NAV1: variants seen among roughly 807,000 people sequenced by gnomAD.
NAV1 encodes the protein pore membrane and/or filament interacting like protein 3.
NAV1 carries 18 observed loss-of-function variants against 175.2 expected under a neutral mutation model. The ratio of observed to expected loss-of-function variants is 0.10; its 90% CI spans 0.07 to 0.15. The LOEUF is 0.15. Ranked by LOEUF, NAV1 falls within the 10% of genes least tolerant of loss-of-function variation. The pLI is 1.00. For synonymous variants in NAV1, 897 were observed against 978.7 expected, an observed-to-expected ratio of 0.92 and a Z score of 1.56; for missense variants, 1,731 against 2,436.6, an observed-to-expected ratio of 0.71 and a Z score of 6.10.
At chr1:201,780,306 T>C in intron 3 of NAV1, 115 bp from the exon 8 acceptor site, 3 of 1,229,228 alleles carry the variant, frequency 2.4e-6, no homozygotes, top group Non-Finnish European at 3.4e-6. Flanking sequence ...CCAGGTTTTC[T>C]CCTTTTGGCT....
intron 1 of NAV1, among the ~76,000 whole-genome samples, chr1:201,562,152 A>T (rs1427902363): frequency 6.8e-6 from 1 of 147,074 alleles, no homozygotes; most frequent in African/African-American, 2.5e-5. Context: ...CTACAGGCAC[A>T]CACCACCTTG....
At position 201,699,096 on chromosome 1, in the gene NAV1, C is replaced by T. The variant is rs544344664; in HGVS notation, c.758-13721C>T. Among the ~76,000 whole-genome samples, 57 of 152,334 alleles carry T rather than the reference C, an allele frequency of 3.7e-4. 1 individual carries two copies. Among genetic ancestry groups the T allele is most frequent in the Admixed American group, 3.2e-3 (49 of 15,300 alleles). On this transcript the variant is annotated intron_variant, in intron 1 of 29. Transcript: ENST00000367296. ...TGTTGGAAGTTCTGGCCAGGGCAAT[C>T]AGGCAAGAGAAATAAATAAAGGGTA...
At chr1:201,562,902 C>T (rs981644136) in intron 1 of NAV1, among the ~76,000 whole-genome samples, 1 of 152,132 alleles carries the variant, frequency 6.6e-6, no homozygotes, top group African/African-American at 2.4e-5. Flanking sequence ...TGTTGGATCA[C>T]GGGATCTGTC....
chr1:201,754,479 T>G (rs1674329989), intron 3 of NAV1, among the ~76,000 whole-genome samples: 1 of 152,148 alleles, frequency 6.6e-6, no homozygotes, highest in African/African-American at 2.4e-5. Flanking sequence ...GAATTAGCAA[T>G]GTAGAGATCT....
At chr1:201,558,454 TTTTG>T (rs1251397546) in intron 1 of NAV1, among the ~76,000 whole-genome samples, 2 of 152,102 alleles carry the variant, frequency 1.3e-5, no homozygotes, top group African/African-American at 2.4e-5. Flanking sequence ...GTGTGGTGTT[TTTTG>T]TTTGTTTGTT....
chr1:201,764,275 A>G (rs1031572947), intron 3 of NAV1, among the ~76,000 whole-genome samples: 1 of 152,240 alleles, frequency 6.6e-6, no homozygotes, highest in African/African-American at 2.4e-5. Flanking sequence ...AAAATACCAC[A>G]GGGCAGGTGG....
chr1:201,611,816 C>T (rs1395295574), intron 2 of NAV1, among the ~76,000 whole-genome samples: 1 of 152,164 alleles, frequency 6.6e-6, no homozygotes, highest in African/African-American at 2.4e-5. Flanking sequence ...CCTCCTCACC[C>T]TGGGCTGGGT....
chr1:201,762,215 GTT>G (rs1188788798), intron 3 of NAV1, among the ~76,000 whole-genome samples: 1 of 152,202 alleles, frequency 6.6e-6, no homozygotes, highest in East Asian at 1.9e-4. Flanking sequence ...GAAAAATCTT[GTT>G]TTGACTTGAA....
chr1:201,776,695 A>G (rs1450210833), intron 3 of NAV1, among the ~76,000 whole-genome samples: 2 of 152,098 alleles, frequency 1.3e-5, no homozygotes, highest in African/African-American at 4.8e-5. Flanking sequence ...AATAAGAGAG[A>G]AATGTAGAAA....
chr1:201,739,024 T>C (rs1321107127), intron 3 of NAV1, among the ~76,000 whole-genome samples: 1 of 152,122 alleles, frequency 6.6e-6, no homozygotes, highest in Non-Finnish European at 1.5e-5. Flanking sequence ...CTCCTTTCTC[T>C]GGAACCAGGA....
chr1:201,816,661 T>C (rs1425550495), intron 28 of NAV1, among the ~76,000 whole-genome samples: 1 of 148,382 alleles, frequency 6.7e-6, no homozygotes, highest in Admixed American at 6.9e-5. Context: ...GGATTTACAT[T>C]TGAGGAAGTG....
chr1:201,824,570 T>C (rs1679566381), exon 30 of NAV1: 1 of 152,068 alleles, frequency 6.6e-6, no homozygotes, highest in South Asian at 2.1e-4. Flanking sequence ...GATGTAGCCT[T>C]GAAGGGAGGA....
chr1:201,800,445 A>T (rs1677778538), intron 15 of NAV1, among the ~76,000 whole-genome samples: 1 of 152,258 alleles, frequency 6.6e-6, no homozygotes, highest in African/African-American at 2.4e-5. Context: ...GTTTGTAAAT[A>T]AAGTTTTATT....
At chr1:201,612,563 G>T (rs1015198036) in intron 2 of NAV1, among the ~76,000 whole-genome samples, 6 of 152,202 alleles carry the variant, frequency 3.9e-5, no homozygotes, top group Non-Finnish European at 5.9e-5. Flanking sequence ...GTGAAGGCCT[G>T]TTCCCCATAG....
intron 1 of NAV1, among the ~76,000 whole-genome samples, chr1:201,657,085 C>T (rs570874026): frequency 6.6e-6 from 1 of 152,184 alleles, no homozygotes. Context: ...GCTCCTGGGA[C>T]CTGATTATCC....
intron 1 of NAV1, among the ~76,000 whole-genome samples, chr1:201,563,997 T>C (rs1297358804): frequency 6.6e-6 from 1 of 151,968 alleles, no homozygotes; most frequent in Non-Finnish European, 1.5e-5. Flanking sequence ...CTCAGGAGGC[T>C]GGAGTGGGAA....
intron 1 of NAV1, among the ~76,000 whole-genome samples, chr1:201,558,743 C>T (rs551844339): frequency 2.0e-4 from 31 of 152,206 alleles, no homozygotes; most frequent in Admixed American, 7.8e-4. Context: ...AGCCACCGCG[C>T]CCGGCACAGG....
At chr1:201,715,423 G>A (rs1672098458) in intron 2 of NAV1, among the ~76,000 whole-genome samples, 1 of 152,180 alleles carries the variant, frequency 6.6e-6, no homozygotes, top group Non-Finnish European at 1.5e-5. Context: ...GCCACCCAAA[G>A]TGCTGGGATT....
chr1:201,814,568 T>C (rs1462247583), intron 28 of NAV1, among the ~76,000 whole-genome samples: 5 of 152,168 alleles, frequency 3.3e-5, no homozygotes, highest in African/African-American at 4.8e-5. Context: ...TAACTTGTTA[T>C]TGAGATAGAT....
Sources: allele counts gnomAD v4.1 joint callset (sites outside exome capture counted in the v4.1 genomes callset), GRCh38; gene constraint gnomAD v4.1.1; transcripts MANE v1.5; gene names NCBI Gene and HGNC (gene_info 2026-07-23, HGNC 2026-07-21).